The following ANKRD30B variants were observed in gnomAD, a reference collection of about 807,000 sequenced individuals.
The protein encoded by ANKRD30B is ankyrin repeat domain-containing protein 30B.
ANKRD30B carries 144 observed loss-of-function variants against 202.2 expected under a neutral mutation model. The ratio of observed to expected loss-of-function variants is 0.71; its 90% CI spans 0.62 to 0.82. The LOEUF (loss-of-function observed/expected upper bound fraction) is 0.82. Among genes scored for constraint, ANKRD30B ranks in the 40% least tolerant of loss-of-function variants. The probability of loss-of-function intolerance (pLI) is 0.00; values close to 1 mark genes in which losing one functional copy is unlikely to be tolerated. For synonymous variants in ANKRD30B, 508 were observed against 561.3 expected (o/e 0.91, Z 1.34); for missense variants, 1,487 against 1,669.1 (o/e 0.89, Z 1.90).
At chr18:14,898,416 A>G in the ANKRD30B span, among the ~76,000 whole-genome samples, 5 of 152,038 alleles carry the variant, frequency 3.3e-5, no homozygotes, top group South Asian at 2.1e-4. Flanking sequence ...TCACGCCCCT[A>G]TGAGATTCTA....
At position 14,854,285 on chromosome 18, in the gene ANKRD30B, A is replaced by G. The variant is rs1235123826; in HGVS notation, c.*127A>G. Among the ~76,000 whole-genome samples, 1 of 152,190 alleles carries G rather than the reference A, an allele frequency of 6.6e-6. No homozygotes were observed. The highest frequency in any genetic ancestry group is 6.5e-5 in the Admixed American group (1 of 15,280). On this transcript the variant is annotated 3_prime_UTR_variant, in exon 44 of 44. Transcript: ENST00000690538. ...GTAAAATGAAAAGAAATAACCAAAA[A>G]TTTACTTCCCAAGATAGGATGTACA...
intron 24 of ANKRD30B, 30 bp from the exon 25 acceptor site, chr18:14,808,521 A>G (rs1474190133): frequency 1.4e-6 from 2 of 1,409,266 alleles, no homozygotes; most frequent in Non-Finnish European, 1.0e-6. Flanking sequence ...GCTTGCATAT[A>G]ATCAATTATA....
At chr18:14,766,952 A>G (rs1463470825) in intron 7 of ANKRD30B, among the ~76,000 whole-genome samples, 1 of 152,192 alleles carries the variant, frequency 6.6e-6, no homozygotes, top group African/African-American at 2.4e-5. Flanking sequence ...AATCTGTTCA[A>G]AAGAATTATT....
the ANKRD30B span, among the ~76,000 whole-genome samples, chr18:14,892,742 CAAAA>C: frequency 1.1e-4 from 8 of 72,924 alleles, no homozygotes; most frequent in East Asian, 4.7e-4. Flanking sequence ...TCTGTTTCAC[CAAAA>C]AAAAAAAAAA....
chr18:14,926,179 C>G, the ANKRD30B span, among the ~76,000 whole-genome samples: 1 of 152,128 alleles, frequency 6.6e-6, no homozygotes, highest in African/African-American at 2.4e-5. Flanking sequence ...GTGTAATTAC[C>G]TATGAGCCCA....
chr18:14,868,737 C>T, the ANKRD30B span, among the ~76,000 whole-genome samples: 2 of 152,412 alleles, frequency 1.3e-5, no homozygotes, highest in Admixed American at 6.5e-5. Flanking sequence ...ACTTCTTCAG[C>T]CCACCTGCCC....
chr18:14,836,301 A>G (rs1971168012), intron 34 of ANKRD30B, among the ~76,000 whole-genome samples: 1 of 151,864 alleles, frequency 6.6e-6, no homozygotes, highest in South Asian at 2.1e-4. Context: ...TTTGTAATCT[A>G]CTCTGTCATC....
the ANKRD30B span, among the ~76,000 whole-genome samples, chr18:14,934,948 A>AC: frequency 0.017 from 2,187 of 126,474 alleles, 55 homozygotes; most frequent in African/African-American, 0.07. Context: ...ACACACACAC[A>AC]CCCCATCGTG....
the ANKRD30B span, among the ~76,000 whole-genome samples, chr18:14,868,605 T>C: frequency 6.6e-6 from 1 of 152,070 alleles, no homozygotes; most frequent in East Asian, 1.9e-4. Context: ...CTGTGGCAGG[T>C]CCCCTGCCTC....
chr18:14,856,155 G>C (rs1972102166), downstream of ANKRD30B, among the ~76,000 whole-genome samples: 2 of 145,128 alleles, frequency 1.4e-5, no homozygotes, highest in African/African-American at 5.1e-5. Context: ...TCCCAGATGG[G>C]ACGGCCAGGC....
At chr18:14,867,816 G>A in the ANKRD30B span, among the ~76,000 whole-genome samples, 2 of 152,202 alleles carry the variant, frequency 1.3e-5, no homozygotes, top group Non-Finnish European at 2.9e-5. Context: ...GGGTGTGAGA[G>A]CCTTCGCCAA....
chr18:14,885,865 T>C, the ANKRD30B span, among the ~76,000 whole-genome samples: 17 of 152,134 alleles, frequency 1.1e-4, no homozygotes, highest in East Asian at 3.3e-3. Flanking sequence ...TGTTTACTTT[T>C]GTTATCATTT....
rs537644815 is a variant in ANKRD30B, at chr18:14,848,333, C to T, written c.3182-383C>T. 3.4e-3 allele frequency among the ~76,000 whole-genome samples: 525 copies of T among 152,242 alleles called. 6 individuals carry two copies. Among genetic ancestry groups the T allele is most frequent in the African/African-American group, 0.012 (498 of 41,570 alleles). ...CACTAGAGCTTCAGCACATGCCACA[C>T]ACTGGCTAAAATGCTTTTCTTCCCC... On this transcript the variant is annotated intron_variant, in intron 39 of 43. Coordinates refer to ENST00000690538, the MANE Select transcript of ANKRD30B (RefSeq NM_001367607.2).
intron 28 of ANKRD30B, among the ~76,000 whole-genome samples, chr18:14,810,758 T>C (rs1254647534): frequency 1.3e-5 from 2 of 151,104 alleles, no homozygotes; most frequent in African/African-American, 4.9e-5. Flanking sequence ...CTGTAATTAA[T>C]TGCCTAGAGG....
At chr18:14,891,890 C>T in the ANKRD30B span, among the ~76,000 whole-genome samples, 5 of 152,280 alleles carry the variant, frequency 3.3e-5, no homozygotes, top group African/African-American at 1.2e-4. Flanking sequence ...TGTACTAATA[C>T]AATGAAAAAT....
At chr18:14,821,052 T>A (rs960414895) in intron 30 of ANKRD30B, among the ~76,000 whole-genome samples, 1 of 152,198 alleles carries the variant, frequency 6.6e-6, no homozygotes, top group Admixed American at 6.5e-5. Context: ...CCTGTTATTG[T>A]TCTATTCAGA....
chr18:14,754,074 A>G (rs1030368994), intron 3 of ANKRD30B, among the ~76,000 whole-genome samples: 2 of 152,130 alleles, frequency 1.3e-5, no homozygotes, highest in African/African-American at 4.8e-5. Context: ...AAAAAATTCT[A>G]TTGTCTTGTA....
intron 9 of ANKRD30B, among the ~76,000 whole-genome samples, chr18:14,776,508 A>C (rs964796330): frequency 6.6e-6 from 1 of 152,220 alleles, no homozygotes; most frequent in Admixed American, 6.5e-5. Context: ...GGAGGAAGAC[A>C]TTCTGAACAG....
the ANKRD30B span, among the ~76,000 whole-genome samples, chr18:14,881,856 A>G: frequency 6.6e-6 from 1 of 151,838 alleles, no homozygotes; most frequent in Non-Finnish European, 1.5e-5. Flanking sequence ...CCAGCAGTTT[A>G]TCCAACTCTT....
Sources: allele counts gnomAD v4.1 joint callset (sites outside exome capture counted in the v4.1 genomes callset), GRCh38; gene constraint gnomAD v4.1.1; transcripts MANE v1.5; gene names NCBI Gene and HGNC (gene_info 2026-07-23, HGNC 2026-07-21).